Variants in STX18 observed in about 807,000 individuals in gnomAD.
STX18 encodes syntaxin 18.
Under a neutral mutation model 50.1 loss-of-function variants are expected in STX18, and 40 were observed. The observed-to-expected ratio is 0.80, with a 90% CI of 0.62 to 1.04. The LOEUF (loss-of-function observed/expected upper bound fraction) is 1.04. STX18 is among the 50% of genes least tolerant of loss of function. STX18 has a pLI of 0.00. For missense variants in STX18, 410 were observed against 415.8 expected, an observed-to-expected ratio of 0.99 and a Z score of 0.12; for synonymous variants, 158 against 151.8, an observed-to-expected ratio of 1.04 and a Z score of -0.30.
At chr4:4,518,250 T>C (rs1186223339) in intron 1 of STX18, among the ~76,000 whole-genome samples, 1 of 152,254 alleles carries the variant, frequency 6.6e-6, no homozygotes, top group African/African-American at 2.4e-5. Context: ...ACGTAAGATA[T>C]ACCTGTATTA....
rs181123583 is a variant in STX18 at position 4,492,385 on chromosome 4, T to C, written c.169-20679A>G. Among the ~76,000 whole-genome samples the C allele has an allele frequency of 4.6e-5, 7 of 152,246 alleles. No individual in the cohort carries two copies. The East Asian group carries it at 1.2e-3, about 25-fold the overall frequency. On this transcript the variant is annotated intron_variant, in intron 1 of 10. Coordinates refer to ENST00000306200, the MANE Select transcript of STX18 (RefSeq NM_016930.4). Reference sequence around the variant, plus strand: ...TGTGTGCATAGAAAGTTAAGTACTTTGTTGGAAAGGATTCGCTCAGGGACT... The same window carrying C: ...TGTGTGCATAGAAAGTTAAGTACTTCGTTGGAAAGGATTCGCTCAGGGACT...
At chr4:4,476,844 G>A (rs1159098606) in intron 1 of STX18, among the ~76,000 whole-genome samples, 2 of 151,984 alleles carry the variant, frequency 1.3e-5, no homozygotes, top group East Asian at 3.8e-4. Context: ...CTTATATGGG[G>A]GGTTCCTTGT....
At chr4:4,459,556 A>G in intron 2 of STX18, 69 bp from the exon 3 acceptor site, 1 of 1,116,878 alleles carries the variant, frequency 9.0e-7, no homozygotes, top group African/African-American at 1.5e-5. Context: ...TGGGATGGGA[A>G]GAGAAGAAAA....
intron 1 of STX18, among the ~76,000 whole-genome samples, chr4:4,479,983 T>C (rs1728379721): frequency 6.6e-6 from 1 of 152,198 alleles, no homozygotes; most frequent in Non-Finnish European, 1.5e-5. Context: ...CCCATAAGCA[T>C]ATTACCTAGT....
chr4:4,501,392 C>T (rs1413201555), intron 1 of STX18, among the ~76,000 whole-genome samples: 5 of 152,160 alleles, frequency 3.3e-5, no homozygotes, highest in South Asian at 4.1e-4. Flanking sequence ...CTCTCACTGT[C>T]GGTCAGAATG....
At chr4:4,503,186 G>A (rs2108881289) in intron 1 of STX18, among the ~76,000 whole-genome samples, 1 of 152,232 alleles carries the variant, frequency 6.6e-6, no homozygotes, top group South Asian at 2.1e-4. Flanking sequence ...CCTAACAAAA[G>A]CTCCCTTCTT....
chr4:4,482,359 C>G (rs1440649373), intron 1 of STX18, among the ~76,000 whole-genome samples: 1 of 152,208 alleles, frequency 6.6e-6, no homozygotes, highest in Non-Finnish European at 1.5e-5. Flanking sequence ...ACTGACGCCT[C>G]AAAAGCAATA....
chr4:4,441,624 A>G (rs2108795589), intron 5 of STX18, among the ~76,000 whole-genome samples: 1 of 152,354 alleles, frequency 6.6e-6, no homozygotes, highest in African/African-American at 2.4e-5. Flanking sequence ...ACACAAAGGA[A>G]AGGACACATC....
intron 1 of STX18, among the ~76,000 whole-genome samples, chr4:4,475,870 CT>C (rs1290228766): frequency 1.3e-5 from 2 of 152,212 alleles, no homozygotes; most frequent in African/African-American, 4.8e-5. Flanking sequence ...ATCCTCCCCC[CT>C]TGGCCTCCCA....
At chr4:4,421,064 G>T in intron 9 of STX18, 120 bp from the exon 10 acceptor site, 1 of 950,328 alleles carries the variant, frequency 1.1e-6, no homozygotes, top group Non-Finnish European at 1.6e-6. Context: ...TTCAGATTTT[G>T]GAGCACTTAG....
At chr4:4,495,145 G>T (rs1440911773) in intron 1 of STX18, among the ~76,000 whole-genome samples, 2 of 152,128 alleles carry the variant, frequency 1.3e-5, no homozygotes, top group Non-Finnish European at 2.9e-5. Flanking sequence ...ACCTGTCTTT[G>T]CCTCAGTTTC....
At position 4,434,754 on chromosome 4, in the gene STX18, CA is replaced by C. The variant is rs1223429261; in HGVS notation, c.702+15del. On this transcript the variant is annotated intron_variant, in intron 7 of 10. Transcript: ENST00000306200. The stretch of plus-strand genomic sequence containing the variant: ...AACCAGTTAAAAATAAATAATTAGG[CA>C]GAGAATAGCATTACCATTTGTATTT... 6.3e-7 allele frequency: 1 copy of C among 1,587,392 alleles called. No individual in the cohort carries two copies. Among genetic ancestry groups the C allele is most frequent in the East Asian group, 2.3e-5 (1 of 44,082 alleles).
At position 4,541,901 on chromosome 4, in the gene STX18, C is replaced by T. The variant is rs1337590371; in HGVS notation, c.64G>A (p.Ala22Thr). The T allele has an allele frequency of 4.1e-5, 66 of 1,610,898 alleles. No homozygotes were observed. Among genetic ancestry groups the T allele is most frequent in the Non-Finnish European group, 5.4e-5 (64 of 1,179,110 alleles). The stretch of plus-strand genomic sequence containing the variant: ...CCGCCGCCCACCGCCACTCCCAGCG[C>T]CTTGTTCCGCGTCTTCACGGTCTTG... ...SVKTVKTRNK[A>T]LGVAVGGGVD... The change falls in exon 1 of 11, where the codon GCG becomes ACG. Residue 22 changes from alanine to threonine, a missense_variant. Ala to Thr is a moderately conservative substitution (Grantham distance 58). Coordinates refer to ENST00000306200, the MANE Select transcript of STX18 (RefSeq NM_016930.4).
intron 1 of STX18, among the ~76,000 whole-genome samples, chr4:4,530,226 G>C (rs73796091): frequency 0.018 from 2,710 of 152,098 alleles, 84 homozygotes; most frequent in African/African-American, 0.062. Flanking sequence ...AATCACCCAA[G>C]TCCCATCACT....
intron 5 of STX18, among the ~76,000 whole-genome samples, chr4:4,453,955 C>T (rs1726914687): frequency 6.6e-6 from 1 of 152,178 alleles, no homozygotes. Flanking sequence ...TGGTCTGCTA[C>T]AAGATAAGTA....
At chr4:4,506,106 G>A (rs369498728) in intron 1 of STX18, among the ~76,000 whole-genome samples, 1 of 152,280 alleles carries the variant, frequency 6.6e-6, no homozygotes, top group Non-Finnish European at 1.5e-5. Flanking sequence ...TGAGTATTAT[G>A]AATGATGCCG....
rs1731616771 is a variant in STX18, at chr4:4,541,856, C to T, written c.109G>A (p.Glu37Lys). Residue 37 changes from glutamate (E) to lysine (K), a missense_variant, in exon 1 of 11, where the codon GAG becomes AAG. Glu to Lys is a moderately conservative substitution (Grantham distance 56). Transcript: ENST00000306200. ...VGGGVDGSRDELFRRSPRPKG... is the reference protein window; with the variant it reads ...VGGGVDGSRDKLFRRSPRPKG... ...GGCCGGGGGCTCCGGCGGAACAGCT[C>T]GTCCCGGCTGCCATCGACCCCGCCG... The T allele has an allele frequency of 3.1e-6, 5 of 1,611,074 alleles. No individual in the cohort carries two copies. The highest frequency in any genetic ancestry group is 4.2e-6 in the Non-Finnish European group (5 of 1,179,190).
intron 2 of STX18, among the ~76,000 whole-genome samples, chr4:4,469,834 A>C (rs1160639595): frequency 6.6e-6 from 1 of 152,130 alleles, no homozygotes; most frequent in East Asian, 1.9e-4. Flanking sequence ...GGTGGAAAGA[A>C]GGTGATGAGG....
chr4:4,459,711 C>T (rs1008535270), intron 2 of STX18, among the ~76,000 whole-genome samples: 1 of 152,154 alleles, frequency 6.6e-6, no homozygotes, highest in African/African-American at 2.4e-5. Flanking sequence ...ATAGACCCAA[C>T]TGACGTAAGC....
Sources: allele counts gnomAD v4.1 joint callset (sites outside exome capture counted in the v4.1 genomes callset), GRCh38; gene constraint gnomAD v4.1.1; transcripts MANE v1.5; gene names NCBI Gene and HGNC (gene_info 2026-07-23, HGNC 2026-07-21).